Variants in MASTL observed in about 807,000 individuals in gnomAD.
MASTL encodes microtubule associated serine/threonine kinase like, also known as serine/threonine-protein kinase greatwall.
A neutral mutation model predicts 82.5 loss-of-function variants in MASTL; 54 were observed. The ratio of observed to expected loss-of-function variants is 0.65; its 90% CI spans 0.53 to 0.82. MASTL has a LOEUF of 0.82. Among genes scored for constraint, MASTL ranks in the 40% least tolerant of loss-of-function variants. The pLI is 0.00. For missense variants in MASTL, 950 were observed against 1,047.8 expected, an observed-to-expected ratio of 0.91 and a Z score of 1.29; for synonymous variants, 323 against 368.9, an observed-to-expected ratio of 0.88 and a Z score of 1.43.
At position 27,167,146 on chromosome 10, in the gene MASTL, C is replaced by CT. The variant is rs1367284852; in HGVS notation, c.857dup (p.Thr287AsnfsTer3). The stretch of plus-strand genomic sequence containing the variant: ...CAACCCAGGAATGCCTGTGAAGTGT[C>CT]TAACTTCTAATTTACTCCAGTCTAG... On this transcript the variant is annotated frameshift_variant, in exon 7 of 12. Transcript: ENST00000375940. LOFTEE classifies it high-confidence loss of function. The CT allele has an allele frequency of 2.5e-6, 4 of 1,614,036 alleles. No individual in the cohort carries two copies. Among genetic ancestry groups the CT allele is most frequent in the African/African-American group, 2.7e-5 (2 of 75,036 alleles).
intron 1 of MASTL, among the ~76,000 whole-genome samples, chr10:27,156,439 G>C (rs1212896792): frequency 1.3e-5 from 2 of 152,320 alleles, no homozygotes; most frequent in Non-Finnish European, 2.9e-5. Context: ...TTAATCTGTA[G>C]GCACTGATAA....
intron 3 of MASTL, 41 bp from the exon 4 acceptor site, chr10:27,161,053 C>A: frequency 8.2e-7 from 1 of 1,225,822 alleles, no homozygotes; most frequent in Non-Finnish European, 1.2e-6. Flanking sequence ...TTAAAACTAG[C>A]CCTTTTTTGG....
chr10:27,155,655 GC>G (rs1362471041), intron 1 of MASTL, 43 bp downstream of exon 1: 3 of 1,605,616 alleles, frequency 1.9e-6, no homozygotes, highest in Admixed American at 1.7e-5. Flanking sequence ...AGGCCCTTCG[GC>G]CCTCCTTCCT....
chr10:27,165,684 C>T (rs760267247), intron 6 of MASTL, 145 bp downstream of exon 6: 90 of 885,206 alleles, frequency 1.0e-4, no homozygotes, highest in Non-Finnish European at 1.3e-4. Flanking sequence ...GCGATCTCGG[C>T]GGCTCACTGC....
intron 4 of MASTL, among the ~76,000 whole-genome samples, chr10:27,163,161 C>G (rs759044112): frequency 6.6e-6 from 1 of 152,132 alleles, no homozygotes; most frequent in Non-Finnish European, 1.5e-5. Context: ...AGGTGGTTCA[C>G]CCGCCTCGGC....
intron 8 of MASTL, 70 bp from the exon 9 acceptor site, chr10:27,173,048 T>C (rs2057999831): frequency 6.3e-7 from 1 of 1,584,560 alleles, no homozygotes; most frequent in Admixed American, 1.7e-5. Context: ...GGCTTGTGTG[T>C]TTCACCATTT....
Position 27,181,524 on chromosome 10 carries a change from C to G in MASTL, c.2425C>G (p.Gln809Glu). 5.0e-6 allele frequency: 8 copies of G among 1,613,202 alleles called. No individual in the cohort carries two copies. Among genetic ancestry groups the G allele is most frequent in the Non-Finnish European group, 6.8e-6 (8 of 1,179,354 alleles). ...EGEEKLSDNA[Q>E]SAVEILLTID... ...TGAAGAAAAGTTATCTGATAATGCT[C>G]AAAGTGCAGTAGAAATACTTTTAAC... The change falls in exon 11 of 12, where the codon CAA becomes GAA. Residue 809 changes from glutamine to glutamate, a missense_variant. Physicochemically the swap from Gln to Glu is conservative, Grantham distance 29 (BLOSUM62 2). Transcript: ENST00000375940.
At position 27,181,517 on chromosome 10, in the gene MASTL, T is replaced by A. The variant is rs2058305364; in HGVS notation, c.2418T>A (p.Asp806Glu). Residue 806 changes from aspartate (D) to glutamate (E), a missense_variant, in exon 11 of 12, where the codon GAT becomes GAA. Coordinates refer to ENST00000375940, the MANE Select transcript of MASTL (RefSeq NM_001172303.3). ...PWPEGEEKLS[D>E]NAQSAVEILL... ...CAGAAGGTGAAGAAAAGTTATCTGA[T>A]AATGCTCAAAGTGCAGTAGAAATAC... The A allele has an allele frequency of 6.2e-7, 1 of 1,613,234 alleles. No individual in the cohort carries two copies. The highest frequency in any genetic ancestry group is 1.3e-5 in the African/African-American group (1 of 74,924).
intron 9 of MASTL, chr10:27,177,722 C>A (rs1424313413): frequency 6.5e-6 from 2 of 309,828 alleles, no homozygotes; most frequent in Non-Finnish European, 9.4e-6. Flanking sequence ...ATACCTGGTG[C>A]CCAGTTCAGT....
At chr10:27,165,681 C>A in intron 6 of MASTL, 142 bp downstream of exon 6, 4 of 928,248 alleles carry the variant, frequency 4.3e-6, no homozygotes, top group Non-Finnish European at 5.0e-6. Context: ...GGCGCGATCT[C>A]GGCGGCTCAC....
At chr10:27,155,318 A>T (rs977856969), upstream of MASTL, 3 of 1,104,274 alleles carry the variant, frequency 2.7e-6, no homozygotes, top group Non-Finnish European at 3.8e-6. Context: ...CGGCGGGGTG[A>T]CGTCACGGCC....
At chr10:27,164,945 C>G (rs937116822) in intron 4 of MASTL, 119 bp from the exon 5 acceptor site, 3 of 722,874 alleles carry the variant, frequency 4.2e-6, no homozygotes, top group Non-Finnish European at 7.3e-6. Flanking sequence ...GCCACTGTCT[C>G]CTTTTTTAAC....
intron 9 of MASTL, among the ~76,000 whole-genome samples, chr10:27,175,478 G>A (rs776718975): frequency 9.2e-5 from 14 of 152,066 alleles, no homozygotes; most frequent in South Asian, 2.1e-4. Flanking sequence ...CATGGCGCCC[G>A]GCCTAACTGA....
chr10:27,171,151 C>T lies in MASTL; in HGVS notation c.2124+68C>T. 3.9e-6 allele frequency: 5 copies of T among 1,284,482 alleles called. No homozygotes were observed. In the South Asian group the frequency reaches 6.0e-5, roughly 15 times the overall value. The allele number at this position is 1,284,482 out of a possible 1,614,324, so 79.6% of individuals were successfully genotyped here. ...AAACTATGAAGACAGACATTTGCCT[C>T]TAAGCTAGACTATGCGGTATTAATC... On this transcript the variant is annotated intron_variant, in intron 8 of 11. Transcript: ENST00000375940.
chr10:27,157,535 A>G (rs2057431859), intron 1 of MASTL, among the ~76,000 whole-genome samples: 1 of 152,246 alleles, frequency 6.6e-6, no homozygotes, highest in South Asian at 2.1e-4. Flanking sequence ...AAGTACTCGA[A>G]TAAATCTTTG....
In MASTL at chr10:27,170,447, C is replaced by T. The variant is rs74126920; in HGVS notation, c.1488C>T (p.His496=). 593 of 1,614,032 alleles carry T rather than the reference C, an allele frequency of 3.7e-4. 1 individual carries two copies. In the African/African-American group the frequency reaches 6.9e-3, roughly 19 times the overall value. ...TGCAGGACCTTAAGCTATCAGTGCACAAAAGTCAACAAAATGACTGTGCTA... is the reference window on the plus strand; with the variant it reads ...TGCAGGACCTTAAGCTATCAGTGCATAAAAGTCAACAAAATGACTGTGCTA... ...VEVQDLKLSV[H]KSQQNDCANK... Residue 496 remains histidine (H), a synonymous_variant, in exon 8 of 12, where the codon CAC becomes CAT. Coordinates refer to ENST00000375940, the MANE Select transcript of MASTL (RefSeq NM_001172303.3).
In MASTL at chr10:27,167,142, GTGTC is replaced by G; in HGVS notation, c.854_857del (p.Cys285Ter). 1.2e-6 allele frequency: 2 copies of G among 1,614,118 alleles called. No homozygotes were observed. Among genetic ancestry groups the G allele is most frequent in the South Asian group, 2.2e-5 (2 of 91,080 alleles). On this transcript the variant is annotated frameshift_variant, in exon 7 of 12. Transcript: ENST00000375940. LOFTEE classifies it high-confidence loss of function. ...CCTCCAACCCAGGAATGCCTGTGAA[GTGTC>G]TAACTTCTAATTTACTCCAGTCTAG...
intron 9 of MASTL, among the ~76,000 whole-genome samples, chr10:27,176,752 T>C (rs1359156465): frequency 6.6e-6 from 1 of 152,178 alleles, no homozygotes; most frequent in Non-Finnish European, 1.5e-5. Flanking sequence ...TTAAAATTTA[T>C]GCCATTCTTC....
chr10:27,172,028 C>A (rs1248474419), intron 8 of MASTL, among the ~76,000 whole-genome samples: 3 of 151,748 alleles, frequency 2.0e-5, no homozygotes, highest in African/African-American at 7.3e-5. Context: ...GGGGTTTCAC[C>A]ACGTTGGCCA....
Sources: gnomAD v4.1 joint callset for allele counts (sites outside exome capture counted in the v4.1 genomes callset) on GRCh38, gnomAD v4.1.1 for gene constraint, MANE v1.5 for transcripts, NCBI Gene and HGNC (gene_info 2026-07-23, HGNC 2026-07-21) for gene names.